RYR2: variants seen among roughly 807,000 people sequenced by gnomAD.
RYR2 encodes cardiac muscle ryanodine receptor-calcium release channel.
In RYR2, 227 loss-of-function variants were observed where a neutral mutation model predicts 601.1. The observed-to-expected ratio is 0.38, with a 90% CI of 0.34 to 0.42. RYR2 has a LOEUF of 0.42. RYR2 is among the 10% of genes least tolerant of loss of function. RYR2 has a pLI of 1.00. For missense variants in RYR2, 4,646 were observed against 6,156.5 expected (o/e 0.75, Z 8.21); for synonymous variants, 2,223 against 2,175.1 (o/e 1.02, Z -0.61).
chr1:237,083,314 C>T (rs944877498), intron 1 of RYR2, among the ~76,000 whole-genome samples: 6 of 152,080 alleles, frequency 3.9e-5, no homozygotes, highest in Non-Finnish European at 5.9e-5. Context: ...ATGAAAAGCC[C>T]GTGGAATCCC....
chr1:237,154,240 T>C (rs1055514288), intron 1 of RYR2, among the ~76,000 whole-genome samples: 1 of 152,206 alleles, frequency 6.6e-6, no homozygotes, highest in Non-Finnish European at 1.5e-5. Context: ...ACACTCCTAG[T>C]GGGGCTGGTT....
chr1:237,443,330 A>G (rs1230329076), intron 13 of RYR2, among the ~76,000 whole-genome samples: 3 of 152,012 alleles, frequency 2.0e-5, no homozygotes, highest in Non-Finnish European at 4.4e-5. Flanking sequence ...ATTTTATCGA[A>G]GTCGTAACTT....
chr1:237,423,019 G>A (rs1003614573), intron 11 of RYR2, 73 bp from the exon 12 acceptor site: 91 of 1,509,970 alleles, frequency 6.0e-5, no homozygotes, highest in Admixed American at 4.4e-4. Context: ...TTCATTGTCC[G>A]ACATATGTTT....
Position 237,819,328 on chromosome 1 carries a change from C to A in RYR2, c.14590+136C>A, listed in dbSNP as rs2102827502. ...AATCAAACTTTTCCTTCCAGTATTT[C>A]TTCATCATGCAATCTACCGGGGGAA... On this transcript the variant is annotated intron_variant, in intron 101 of 104. Coordinates refer to ENST00000366574, the MANE Select transcript of RYR2 (RefSeq NM_001035.3). The surrounding 1 kb of genome is among the most constrained non-coding windows in gnomAD (Gnocchi z 4.0). 3 of 785,116 alleles carry A rather than the reference C, an allele frequency of 3.8e-6. No homozygotes were observed. In the East Asian group the frequency reaches 7.4e-5, roughly 19 times the overall value. The allele number at this position is 785,116 out of a possible 1,614,324, so 48.6% of individuals were successfully genotyped here. A position where few individuals can be genotyped will look rare whatever the true frequency, so the allele number is the denominator to read the frequency against.
At chr1:237,806,833 A>T (rs1296170628) in intron 99 of RYR2, among the ~76,000 whole-genome samples, 1 of 152,242 alleles carries the variant, frequency 6.6e-6, no homozygotes, top group Non-Finnish European at 1.5e-5. Context: ...AAACTGGTCT[A>T]GGTCCAGAAA....
intron 12 of RYR2, among the ~76,000 whole-genome samples, chr1:237,426,888 C>G (rs938362850): frequency 6.6e-6 from 1 of 151,824 alleles, no homozygotes; most frequent in Non-Finnish European, 1.5e-5. Context: ...TATAGAAAAA[C>G]TAAAAATAAA....
intron 4 of RYR2, among the ~76,000 whole-genome samples, chr1:237,356,309 AAAAAAC>A (rs1248834744): frequency 1.3e-4 from 20 of 152,044 alleles, no homozygotes; most frequent in Non-Finnish European, 2.9e-4. Context: ...CTTCTGCAAA[AAAAAAC>A]AAAAAACAAA....
intron 1 of RYR2, among the ~76,000 whole-genome samples, chr1:237,247,259 G>T (rs1367000841): frequency 6.6e-6 from 1 of 152,132 alleles, no homozygotes; most frequent in Non-Finnish European, 1.5e-5. Flanking sequence ...ATTTAAGCTC[G>T]TGCAAAAATA....
chr1:237,543,022 T>C (rs1022055280), intron 25 of RYR2, among the ~76,000 whole-genome samples: 3 of 152,214 alleles, frequency 2.0e-5, no homozygotes, highest in African/African-American at 7.2e-5. Context: ...TCTGTTCTTT[T>C]CTGTCCTAAG....
At chr1:237,704,165 A>G (rs967260633) in intron 66 of RYR2, among the ~76,000 whole-genome samples, 6 of 152,118 alleles carry the variant, frequency 3.9e-5, no homozygotes, top group African/African-American at 1.4e-4. Flanking sequence ...TGTTTTCTCA[A>G]TGAAGAATGC....
intron 10 of RYR2, among the ~76,000 whole-genome samples, chr1:237,408,841 G>C (rs1704163872): frequency 6.6e-6 from 1 of 152,002 alleles, no homozygotes; most frequent in Non-Finnish European, 1.5e-5. Context: ...TTTAGATTTT[G>C]TTTGACTTTT....
intron 2 of RYR2, among the ~76,000 whole-genome samples, chr1:237,282,177 G>A (rs140994497): frequency 4.3e-4 from 60 of 141,074 alleles, no homozygotes; most frequent in African/African-American, 1.5e-3. Flanking sequence ...CTCTAACACA[G>A]AAGTTGGCGC....
intron 40 of RYR2, among the ~76,000 whole-genome samples, chr1:237,626,598 T>TTTTTTTTTTTTTTTTG (rs1679698069): frequency 7.6e-6 from 1 of 131,708 alleles, no homozygotes; most frequent in Non-Finnish European, 1.6e-5. Flanking sequence ...TTTTTTTTTT[T>TTTTTTTTTTTTTTTTG]TTTTTTTTTT....
At chr1:237,203,147 C>T (rs1572188479) in intron 1 of RYR2, among the ~76,000 whole-genome samples, 1 of 152,070 alleles carries the variant, frequency 6.6e-6, no homozygotes, top group Non-Finnish European at 1.5e-5. Flanking sequence ...ACCACCATCA[C>T]CACCACCACA....
chr1:237,573,700 T>C (rs1314590003), intron 29 of RYR2, among the ~76,000 whole-genome samples: 1 of 151,586 alleles, frequency 6.6e-6, no homozygotes, highest in East Asian at 2.0e-4. Flanking sequence ...TAGTTCCAGC[T>C]ACTCGGGAGG....
intron 101 of RYR2, among the ~76,000 whole-genome samples, chr1:237,823,979 G>A (rs1469057996): frequency 6.6e-6 from 1 of 152,128 alleles, no homozygotes; most frequent in Non-Finnish European, 1.5e-5. Flanking sequence ...ACTAAACCAG[G>A]AAGAAGTTGA....
intron 1 of RYR2, among the ~76,000 whole-genome samples, chr1:237,133,694 G>A (rs1315951974): frequency 6.6e-6 from 1 of 152,016 alleles, no homozygotes; most frequent in Non-Finnish European, 1.5e-5. Flanking sequence ...CACACCCGCT[G>A]ACGCGGGTGG....
chr1:237,400,792 G>T (rs187288315), intron 10 of RYR2, among the ~76,000 whole-genome samples: 3 of 152,062 alleles, frequency 2.0e-5, no homozygotes, highest in Non-Finnish European at 4.4e-5. Flanking sequence ...GTAGTATTGG[G>T]TCATAGTCCC....
At chr1:237,172,736 G>A (rs1677559209) in intron 1 of RYR2, among the ~76,000 whole-genome samples, 1 of 152,192 alleles carries the variant, frequency 6.6e-6, no homozygotes, top group Non-Finnish European at 1.5e-5. Context: ...TGGAGACATA[G>A]GATTTGCTGG....
Sources: gnomAD v4.1 joint callset for allele counts (sites outside exome capture counted in the v4.1 genomes callset) on GRCh38, gnomAD v4.1.1 for gene constraint, Gnocchi (gnomAD v3.1) non-coding constraint, MANE v1.5 for transcripts, NCBI Gene and HGNC (gene_info 2026-07-23, HGNC 2026-07-21) for gene names.